The following MED13L variants were observed in gnomAD, a reference collection of about 807,000 sequenced individuals.
The protein encoded by MED13L is mediator complex subunit 13L, also known as mediator of RNA polymerase II transcription subunit 13-like.
A neutral mutation model predicts 220.9 loss-of-function variants in MED13L; 7 were observed. The ratio of observed to expected loss-of-function variants is 0.03; its 90% CI spans 0.02 to 0.06. MED13L has a LOEUF of 0.06. Among genes scored for constraint, MED13L ranks in the 10% least tolerant of loss-of-function variants. The pLI is 1.00. For missense variants in MED13L, 1,965 were observed against 2,760.5 expected (o/e 0.71, Z 6.46); for synonymous variants, 1,011 against 1,015.2 (o/e 1.00, Z 0.08).
chr12:116,230,253 A>G (rs1400375951), intron 2 of MED13L, among the ~76,000 whole-genome samples: 3 of 152,136 alleles, frequency 2.0e-5, no homozygotes, highest in Non-Finnish European at 4.4e-5. Context: ...ACAAAAAATT[A>G]GCTGGGCATG....
chr12:116,049,629 A>T (rs1882036438), intron 4 of MED13L, among the ~76,000 whole-genome samples: 1 of 152,232 alleles, frequency 6.6e-6, no homozygotes, highest in Non-Finnish European at 1.5e-5. Flanking sequence ...AGGATTTACA[A>T]ACATTCAAAC....
chr12:116,199,414 G>A (rs1183138472), intron 2 of MED13L, among the ~76,000 whole-genome samples: 1 of 152,110 alleles, frequency 6.6e-6, no homozygotes, highest in Non-Finnish European at 1.5e-5. Flanking sequence ...ATGTCAAATA[G>A]CTTCCTATTG....
intron 2 of MED13L, chr12:116,231,943 T>C (rs1869600895): frequency 4.0e-6 from 1 of 249,506 alleles, no homozygotes; most frequent in Non-Finnish European, 6.4e-6. Context: ...TTGTAGACTG[T>C]AATCTATAGA....
intron 24 of MED13L, 32 bp from the exon 25 acceptor site, chr12:115,975,345 G>GGTC: frequency 6.2e-7 from 1 of 1,613,770 alleles, no homozygotes; most frequent in Non-Finnish European, 8.5e-7. Context: ...AAGGGGAAGG[G>GGTC]GTCCCTAGAT....
At chr12:116,224,844 A>AT (rs1868798176) in intron 2 of MED13L, among the ~76,000 whole-genome samples, 1 of 152,028 alleles carries the variant, frequency 6.6e-6, no homozygotes, top group Non-Finnish European at 1.5e-5. Context: ...TGCCCAGCTA[A>AT]TTTTTTAATT....
chr12:115,968,130 C>A (rs1370008026), intron 28 of MED13L, among the ~76,000 whole-genome samples: 1 of 129,904 alleles, frequency 7.7e-6, no homozygotes, highest in African/African-American at 2.9e-5. Flanking sequence ...GAGCAGGCTG[C>A]TTATGCTTGT....
chr12:116,030,970 A>G (rs1880701862), intron 4 of MED13L, among the ~76,000 whole-genome samples: 1 of 152,208 alleles, frequency 6.6e-6, no homozygotes, highest in Non-Finnish European at 1.5e-5. Context: ...ACATCAGCAA[A>G]TCTATGAAAC....
chr12:116,019,628 G>A (rs1879935131), intron 6 of MED13L, 150 bp downstream of exon 6: 1 of 1,110,560 alleles, frequency 9.0e-7, no homozygotes, highest in Admixed American at 2.0e-5. Context: ...CTTCAGGCAA[G>A]ATAACTACTC....
Position 116,008,662 on chromosome 12 carries a change from C to A in MED13L, c.1751G>T (p.Gly584Val). ...PSVPVNPALY[G>V]NGLELQQLST... ...CAACTGCTGGAGTTCTAGTCCATTT[C>A]CATAAAGGGCTGGATTCACAGGGAC... Residue 584 changes from glycine (G) to valine (V), a missense_variant, in exon 10 of 31, where the codon GGA becomes GTA. By Grantham distance (109) the Gly-to-Val change is moderately radical. Coordinates refer to ENST00000281928, the MANE Select transcript of MED13L (RefSeq NM_015335.5). 6.2e-7 allele frequency: 1 copy of A among 1,614,056 alleles called. No individual in the cohort carries two copies. Among genetic ancestry groups the A allele is most frequent in the Non-Finnish European group, 8.5e-7 (1 of 1,180,012 alleles).
chr12:116,155,458 C>A (rs1878356503), intron 2 of MED13L, among the ~76,000 whole-genome samples: 1 of 152,048 alleles, frequency 6.6e-6, no homozygotes, highest in African/African-American at 2.4e-5. Flanking sequence ...CTGAATACTT[C>A]CAAATGCCAA....
chr12:116,168,557 A>G (rs1879452944), intron 2 of MED13L, among the ~76,000 whole-genome samples: 1 of 152,192 alleles, frequency 6.6e-6, no homozygotes, highest in Non-Finnish European at 1.5e-5. Context: ...AGGTACCAAG[A>G]CACCATGAAA....
At chr12:116,202,620 A>C (rs766700701) in intron 2 of MED13L, among the ~76,000 whole-genome samples, 29 of 152,170 alleles carry the variant, frequency 1.9e-4, no homozygotes, top group Non-Finnish European at 3.5e-4. Context: ...AAGCTGTATG[A>C]CACTGAGCAA....
chr12:116,003,208 C>T (rs895086563), intron 13 of MED13L, 106 bp from the exon 14 acceptor site: 22 of 924,036 alleles, frequency 2.4e-5, no homozygotes, highest in Non-Finnish European at 3.8e-5. Flanking sequence ...TTGGTAGAAG[C>T]GTTTACCAGG....
Position 116,009,125 on chromosome 12 carries a change from G to A in MED13L, c.1288C>T (p.Leu430Phe), listed in dbSNP as rs1341858208. ...RVSCSCSRHK[L>F]LKRCAVGPNR... ...GGCCCGACTGCACAACGTTTTAAAA[G>A]CTTATGCCTAAAATGAGAGTAAACA... is the stretch of plus-strand genomic sequence containing the variant. The change falls in exon 10 of 31, where the codon CTT (leucine) becomes TTT (phenylalanine). Residue 430 changes from leucine (L) to phenylalanine (F), a missense_variant. Coordinates refer to ENST00000281928, the MANE Select transcript of MED13L (RefSeq NM_015335.5). 1.9e-6 allele frequency: 3 copies of A among 1,613,844 alleles called. No homozygotes were observed. Among genetic ancestry groups the A allele is most frequent in the South Asian group, 1.1e-5 (1 of 91,082 alleles).
At chr12:116,105,518 A>G (rs575857201) in intron 3 of MED13L, among the ~76,000 whole-genome samples, 3 of 152,274 alleles carry the variant, frequency 2.0e-5, no homozygotes, top group Non-Finnish European at 4.4e-5. Context: ...TATAAAATTC[A>G]GAATGTATAC....
intron 1 of MED13L, among the ~76,000 whole-genome samples, chr12:116,241,036 C>A (rs1321295558): frequency 1.3e-5 from 2 of 151,884 alleles, no homozygotes; most frequent in African/African-American, 2.4e-5. Context: ...AGGCCAGGCG[C>A]AGTGGCTCAC....
intron 2 of MED13L, among the ~76,000 whole-genome samples, chr12:116,121,109 T>C (rs1875054799): frequency 6.6e-6 from 1 of 152,210 alleles, no homozygotes; most frequent in African/African-American, 2.4e-5. Context: ...ATAATCAGAA[T>C]GTGTTTACGT....
At chr12:116,145,092 C>T (rs1052199874) in intron 2 of MED13L, among the ~76,000 whole-genome samples, 28 of 152,216 alleles carry the variant, frequency 1.8e-4, no homozygotes, top group African/African-American at 6.5e-4. Context: ...TCCAACATCA[C>T]CTTCTTCAGA....
rs988968371 is a variant in MED13L at position 116,007,035 on chromosome 12, G to A, written c.2238+376C>T. On this transcript the variant is annotated intron_variant, in intron 11 of 30. Coordinates refer to ENST00000281928, the MANE Select transcript of MED13L (RefSeq NM_015335.5). ...AGCACAGTAAGGATAAGAAGCGCTC[G>A]ATAAATTGTGTATACCTACTGTTAC... is the stretch of plus-strand genomic sequence containing the variant. 57 of 303,720 alleles carry A rather than the reference G, an allele frequency of 1.9e-4. No homozygotes were observed. The East Asian group carries it at 2.7e-3, about 15-fold the overall frequency. The allele number at this position is 303,720 out of a possible 1,614,324, so 18.8% of individuals were successfully genotyped here.
Sources: gnomAD v4.1 joint callset for allele counts (sites outside exome capture counted in the v4.1 genomes callset) on GRCh38, gnomAD v4.1.1 for gene constraint, MANE v1.5 for transcripts, NCBI Gene and HGNC (gene_info 2026-07-23, HGNC 2026-07-21) for gene names.